KIF26B: variants seen among roughly 807,000 people sequenced by gnomAD.
The protein encoded by KIF26B is kinesin family member 26B.
KIF26B carries 63 observed loss-of-function variants against 151.2 expected under a neutral mutation model. That is an observed-to-expected ratio of 0.42 (90% CI 0.34 to 0.51). The LOEUF is 0.51. Among genes scored for constraint, KIF26B ranks in the 20% least tolerant of loss-of-function variants. The pLI, the probability that KIF26B is intolerant of heterozygous loss-of-function variation, is 0.07. For missense variants in KIF26B, 2,813 were observed against 2,913.6 expected (o/e 0.97, Z 0.79); for synonymous variants, 1,357 against 1,262.1 (o/e 1.08, Z -1.59).
In KIF26B at chr1:245,416,236, C is replaced by T. The variant is rs559952983; in HGVS notation, c.1000-3343C>T. Reference sequence around the variant, plus strand: ...CGGAGGTTGCAGTGAGCTGAGATCACGCCATTGCACTCCAGCCTGGGCAAC... The same window carrying T: ...CGGAGGTTGCAGTGAGCTGAGATCATGCCATTGCACTCCAGCCTGGGCAAC... On this transcript the variant is annotated intron_variant, in intron 3 of 14. Transcript: ENST00000407071. Among the ~76,000 whole-genome samples the T allele has an allele frequency of 2.5e-3, 193 of 77,758 alleles. 1 individual carries two copies. Among genetic ancestry groups the T allele is most frequent in the African/African-American group, 0.01 (189 of 18,242 alleles). 51.0% of individuals were successfully genotyped at this position (77,758 alleles called of 152,430 possible).
At chr1:245,443,205 T>A (rs975552785) in intron 4 of KIF26B, among the ~76,000 whole-genome samples, 5 of 149,422 alleles carry the variant, frequency 3.3e-5, no homozygotes, top group African/African-American at 5.0e-5. Context: ...CCTAGAGCTG[T>A]CATCTCCCTC....
At chr1:245,637,403 T>C (rs1383867701) in intron 9 of KIF26B, among the ~76,000 whole-genome samples, 4 of 152,026 alleles carry the variant, frequency 2.6e-5, no homozygotes, top group African/African-American at 9.7e-5. Flanking sequence ...ATTCCTCATA[T>C]ATTCTGGTTA....
chr1:245,685,856 AGGCAAGCAGAGGCCCCCG>A lies in KIF26B; in HGVS notation c.2875_2892del (p.Ala959_Arg964del). 1.2e-6 allele frequency: 2 copies of A among 1,612,724 alleles called. No homozygotes were observed. The highest frequency in any genetic ancestry group is 1.7e-6 in the Non-Finnish European group (2 of 1,179,754). On this transcript the variant is annotated inframe_deletion, in exon 12 of 15. Coordinates refer to ENST00000407071, the MANE Select transcript of KIF26B (RefSeq NM_018012.4). ...CTGCCTGCTCAGTTTGGGCCAGAGC[AGGCAAGCAGAGGCCCCCG>A]GTTAAGCCAAGCAGCGGGGGCAAGC...
At chr1:245,566,935 T>G (rs2043015985) in intron 5 of KIF26B, among the ~76,000 whole-genome samples, 1 of 135,116 alleles carries the variant, frequency 7.4e-6, no homozygotes, top group Admixed American at 8.0e-5. Flanking sequence ...TAAAATAAAT[T>G]AATAAATACA....
At position 245,358,340 on chromosome 1, in the gene KIF26B, G is replaced by A. The variant is rs185149045; in HGVS notation, c.466-8494G>A. Among the ~76,000 whole-genome samples the A allele has an allele frequency of 2.0e-5, 3 of 152,302 alleles. No homozygotes were observed. Among genetic ancestry groups the A allele is most frequent in the Admixed American group, 2.0e-4 (3 of 15,296 alleles). ...TCGAGACCATCCTGGCTAGCAGAGTGAAACCCTGTCTCTAATAAAAATACA... is the reference window on the plus strand; with the variant it reads ...TCGAGACCATCCTGGCTAGCAGAGTAAAACCCTGTCTCTAATAAAAATACA... On this transcript the variant is annotated intron_variant, in intron 2 of 14. Coordinates refer to ENST00000407071, the MANE Select transcript of KIF26B (RefSeq NM_018012.4). The surrounding 1 kb of genome is among the most constrained non-coding windows in gnomAD (Gnocchi z 4.1).
intron 5 of KIF26B, among the ~76,000 whole-genome samples, chr1:245,596,000 G>A (rs2043333100): frequency 6.6e-6 from 1 of 152,186 alleles, no homozygotes; most frequent in Admixed American, 6.6e-5. Flanking sequence ...TGTGGGATCA[G>A]TGGTGATATC....
chr1:245,276,959 T>C (rs190950609), intron 2 of KIF26B, among the ~76,000 whole-genome samples: 1 of 152,212 alleles, frequency 6.6e-6, no homozygotes, highest in East Asian at 1.9e-4. Flanking sequence ...CTGATTTCAA[T>C]GATAAGTGTC....
At position 245,481,885 on chromosome 1, in the gene KIF26B, T is replaced by C. The variant is rs1270989634; in HGVS notation, c.1167-58882T>C. 4.0e-5 allele frequency among the ~76,000 whole-genome samples: 6 copies of C among 151,680 alleles called. 1 individual carries two copies. The highest frequency in any genetic ancestry group is 7.4e-5 in the Non-Finnish European group (5 of 67,790). On this transcript the variant is annotated intron_variant, in intron 4 of 14. Transcript: ENST00000407071. ...GGTTGGACCTGACAGCACGCTCCAG[T>C]CTTACCTTTCACTGGTAGCACAGCA...
Position 245,409,909 on chromosome 1 carries a change from C to T in KIF26B, c.1000-9670C>T, listed in dbSNP as rs573833162. On this transcript the variant is annotated intron_variant, in intron 3 of 14. Transcript: ENST00000407071. ...CAACAGCAGCAGGAAAAAGCTATAT[C>T]CTATTTAAATGCCTAAAAGCAAATC... 2.8e-3 allele frequency among the ~76,000 whole-genome samples: 431 copies of T among 152,278 alleles called. 2 individuals carry two copies. Among genetic ancestry groups the T allele is most frequent in the African/African-American group, 0.01 (419 of 41,546 alleles).
chr1:245,682,632 C>T (rs1338808344), intron 10 of KIF26B, among the ~76,000 whole-genome samples: 6 of 13,856 alleles, frequency 4.3e-4, no homozygotes, highest in Non-Finnish European at 7.6e-4. Flanking sequence ...CCCTCCACTA[C>T]TCATGTAAGA....
At chr1:245,251,782 A>T (rs1485362224) in intron 2 of KIF26B, among the ~76,000 whole-genome samples, 1 of 152,200 alleles carries the variant, frequency 6.6e-6, no homozygotes, top group Non-Finnish European at 1.5e-5. Context: ...AATTGAGTTT[A>T]TAAATCTTAA....
chr1:245,440,093 A>T (rs1044251266), intron 4 of KIF26B, among the ~76,000 whole-genome samples: 3 of 151,878 alleles, frequency 2.0e-5, no homozygotes, highest in East Asian at 3.9e-4. Flanking sequence ...TGGTGGCGGG[A>T]GCCTGTAGTC....
At chr1:245,191,381 A>G (rs947058167) in intron 2 of KIF26B, among the ~76,000 whole-genome samples, 2 of 151,984 alleles carry the variant, frequency 1.3e-5, no homozygotes, top group African/African-American at 4.8e-5. Context: ...AGGCTGAGGC[A>G]GGAGAATCAT....
chr1:245,251,214 A>G (rs1428177228), intron 2 of KIF26B, among the ~76,000 whole-genome samples: 1 of 152,196 alleles, frequency 6.6e-6, no homozygotes, highest in East Asian at 1.9e-4. Flanking sequence ...GGTGTTTAGC[A>G]TAAACCACAC....
chr1:245,578,604 C>T (rs1184502027), intron 5 of KIF26B, among the ~76,000 whole-genome samples: 4 of 152,228 alleles, frequency 2.6e-5, no homozygotes. Flanking sequence ...CCAGGGATTT[C>T]ATAGCTGAGA....
Position 245,687,065 on chromosome 1 carries a change from A to T in KIF26B, c.4082A>T (p.Lys1361Ile), listed in dbSNP as rs755052936. 1.2e-6 allele frequency: 2 copies of T among 1,613,412 alleles called. No individual in the cohort carries two copies. Among genetic ancestry groups the T allele is most frequent in the East Asian group, 4.5e-5 (2 of 44,894 alleles). ...AAAGCAGCCCCCATCAAAGGCTGCAAAATATCCACAGTGAGCAAGGCCATG... is the reference window on the plus strand; with the variant it reads ...AAAGCAGCCCCCATCAAAGGCTGCATAATATCCACAGTGAGCAAGGCCATG... ...FNKAAPIKGC[K>I]ISTVSKAMVT... The change falls in exon 12 of 15, where the codon AAA (lysine) becomes ATA (isoleucine). Residue 1361 changes from lysine to isoleucine, a missense_variant. Coordinates refer to ENST00000407071, the MANE Select transcript of KIF26B (RefSeq NM_018012.4). The surrounding 1 kb of genome is among the most constrained non-coding windows in gnomAD (Gnocchi z 4.9).
At chr1:245,287,108 CAAAAA>C (rs1362861591) in intron 2 of KIF26B, among the ~76,000 whole-genome samples, 1 of 151,304 alleles carries the variant, frequency 6.6e-6, no homozygotes, top group Non-Finnish European at 1.5e-5. Flanking sequence ...GACTCTGTCT[CAAAAA>C]AAACAAAATT....
At chr1:245,586,358 G>A (rs1256811453) in intron 5 of KIF26B, among the ~76,000 whole-genome samples, 1 of 152,068 alleles carries the variant, frequency 6.6e-6, no homozygotes, top group Non-Finnish European at 1.5e-5. Context: ...GAAGAAAGTT[G>A]GTGGTGTTAT....
At chr1:245,233,037 T>C (rs1203070920) in intron 2 of KIF26B, among the ~76,000 whole-genome samples, 1 of 152,188 alleles carries the variant, frequency 6.6e-6, no homozygotes. Context: ...AATTGTAGGG[T>C]CTGTAGCCTG....
Sources: gnomAD v4.1 joint callset for allele counts (sites outside exome capture counted in the v4.1 genomes callset) on GRCh38, gnomAD v4.1.1 for gene constraint, Gnocchi (gnomAD v3.1) non-coding constraint, MANE v1.5 for transcripts, NCBI Gene and HGNC (gene_info 2026-07-23, HGNC 2026-07-21) for gene names.